TRERF1: variants seen among roughly 807,000 people sequenced by gnomAD.
TRERF1 encodes transcriptional-regulating factor 1.
Under a neutral mutation model 122.9 loss-of-function variants are expected in TRERF1, and 27 were observed. That is an observed-to-expected ratio of 0.22 (90% CI 0.16 to 0.30). The LOEUF is 0.30. Among genes scored for constraint, TRERF1 ranks in the 10% least tolerant of loss-of-function variants. The pLI is 1.00. For missense variants in TRERF1, 1,248 were observed against 1,560.3 expected, an observed-to-expected ratio of 0.80 and a Z score of 3.37; for synonymous variants, 636 against 641.7, an observed-to-expected ratio of 0.99 and a Z score of 0.13.
intron 12 of TRERF1, 85 bp from the exon 13 acceptor site, chr6:42,255,011 G>A (rs1582590043): frequency 8.5e-6 from 12 of 1,410,558 alleles, no homozygotes; most frequent in South Asian, 2.3e-5. Flanking sequence ...GGGGAAAAGC[G>A]GTTAGCACTG....
At chr6:42,367,756 C>T (rs1463772995) in intron 2 of TRERF1, among the ~76,000 whole-genome samples, 2 of 152,162 alleles carry the variant, frequency 1.3e-5, no homozygotes, top group Non-Finnish European at 2.9e-5. Flanking sequence ...TCAGGTACTC[C>T]CAACAGCTGG....
At chr6:42,443,736 A>G (rs928519479) in intron 2 of TRERF1, among the ~76,000 whole-genome samples, 93 of 152,324 alleles carry the variant, frequency 6.1e-4, no homozygotes, top group African/African-American at 2.1e-3. Context: ...CAGTTTTGCT[A>G]AAGGATCACA....
intron 2 of TRERF1, among the ~76,000 whole-genome samples, chr6:42,420,501 T>G (rs1442575409): frequency 6.6e-6 from 1 of 152,064 alleles, no homozygotes; most frequent in East Asian, 1.9e-4. Flanking sequence ...TTAATTAGAG[T>G]TTTTTGTTGC....
chr6:42,382,085 C>T (rs74880783), intron 2 of TRERF1, among the ~76,000 whole-genome samples: 5,748 of 151,682 alleles, frequency 0.038, 167 homozygotes, highest in South Asian at 0.054. Context: ...AAATAATGAA[C>T]AGGTGAGGAG....
intron 3 of TRERF1, among the ~76,000 whole-genome samples, chr6:42,310,455 C>A (rs183203871): frequency 1.3e-5 from 2 of 152,290 alleles, no homozygotes; most frequent in African/African-American, 4.8e-5. Flanking sequence ...GCTTTCTGTA[C>A]ATGGTGGAGC....
At chr6:42,387,482 C>T (rs1429258683) in intron 2 of TRERF1, among the ~76,000 whole-genome samples, 1 of 152,208 alleles carries the variant, frequency 6.6e-6, no homozygotes, top group Non-Finnish European at 1.5e-5. Flanking sequence ...TACGTTCTTC[C>T]ACAACCTTGT....
chr6:42,398,874 G>A (rs1449608848), intron 2 of TRERF1, among the ~76,000 whole-genome samples: 1 of 152,194 alleles, frequency 6.6e-6, no homozygotes, highest in African/African-American at 2.4e-5. Flanking sequence ...GCACTGCTAG[G>A]GAGACCATCC....
chr6:42,355,732 T>A (rs1770418556), intron 3 of TRERF1, among the ~76,000 whole-genome samples: 1 of 152,242 alleles, frequency 6.6e-6, no homozygotes, highest in Non-Finnish European at 1.5e-5. Flanking sequence ...CATGTTAGTA[T>A]ACATTTAGAA....
intron 3 of TRERF1, among the ~76,000 whole-genome samples, chr6:42,341,437 T>A (rs1284532839): frequency 6.6e-6 from 1 of 152,234 alleles, no homozygotes; most frequent in Non-Finnish European, 1.5e-5. Context: ...TCTGTGTGTA[T>A]GTCTGCTAAG....
At chr6:42,420,118 C>A (rs746886810) in intron 2 of TRERF1, among the ~76,000 whole-genome samples, 4 of 152,196 alleles carry the variant, frequency 2.6e-5, no homozygotes, top group Non-Finnish European at 4.4e-5. Context: ...AGGAGCTTCT[C>A]CTGTTCTGCT....
At chr6:42,414,722 T>C (rs1781586819) in intron 2 of TRERF1, among the ~76,000 whole-genome samples, 1 of 152,240 alleles carries the variant, frequency 6.6e-6, no homozygotes, top group Non-Finnish European at 1.5e-5. Flanking sequence ...CACTCCGTTA[T>C]CTTCTATTCT....
intron 3 of TRERF1, among the ~76,000 whole-genome samples, chr6:42,343,074 C>T (rs547933047): frequency 7.2e-5 from 11 of 152,238 alleles, no homozygotes; most frequent in African/African-American, 2.6e-4. Context: ...ATATCAACAC[C>T]CTGATGCCAT....
chr6:42,235,508 C>T (rs1350434524), intron 16 of TRERF1, among the ~76,000 whole-genome samples: 3 of 152,216 alleles, frequency 2.0e-5, no homozygotes, highest in Non-Finnish European at 4.4e-5. Flanking sequence ...CTAAGAATGA[C>T]CACATGGTGA....
chr6:42,409,299 C>T (rs1366554553), intron 2 of TRERF1, among the ~76,000 whole-genome samples: 1 of 151,844 alleles, frequency 6.6e-6, no homozygotes, highest in African/African-American at 2.4e-5. Flanking sequence ...AAATAAATGT[C>T]TTCCATTCAT....
At chr6:42,267,712 T>C (rs1466125648) in intron 5 of TRERF1, among the ~76,000 whole-genome samples, 2 of 152,234 alleles carry the variant, frequency 1.3e-5, no homozygotes, top group Admixed American at 6.5e-5. Flanking sequence ...GCAATATCCA[T>C]TAAACACTGT....
chr6:42,406,785 CA>C (rs1333687139), intron 2 of TRERF1, among the ~76,000 whole-genome samples: 2 of 151,868 alleles, frequency 1.3e-5, no homozygotes, highest in Admixed American at 1.3e-4. Context: ...CCAGCCTTTG[CA>C]GGGATTTGTG....
intron 3 of TRERF1, among the ~76,000 whole-genome samples, chr6:42,359,486 G>A (rs886121959): frequency 6.6e-6 from 1 of 152,208 alleles, no homozygotes; most frequent in African/African-American, 2.4e-5. Context: ...AGCACTTTGG[G>A]AGGCTGAGGT....
chr6:42,299,985 G>T (rs1785871136), intron 4 of TRERF1, among the ~76,000 whole-genome samples: 1 of 152,202 alleles, frequency 6.6e-6, no homozygotes, highest in African/African-American at 2.4e-5. Context: ...CAACACAGAG[G>T]GGACGAGAGG....
chr6:42,280,088 C>A (rs1782028468), intron 4 of TRERF1, among the ~76,000 whole-genome samples: 1 of 152,074 alleles, frequency 6.6e-6, no homozygotes, highest in Non-Finnish European at 1.5e-5. Flanking sequence ...GACGTCGGTG[C>A]CACGGGGAGC....
Sources: allele counts gnomAD v4.1 joint callset (sites outside exome capture counted in the v4.1 genomes callset), GRCh38; gene constraint gnomAD v4.1.1; transcripts MANE v1.5; gene names NCBI Gene and HGNC (gene_info 2026-07-23, HGNC 2026-07-21).